RARB: variants seen among roughly 807,000 people sequenced by gnomAD.
The protein encoded by RARB is HBV-activated protein.
In RARB, 17 loss-of-function variants were observed where a neutral mutation model predicts 51.9. The ratio of observed to expected loss-of-function variants is 0.33; its 90% confidence interval spans 0.22 to 0.49. RARB has a LOEUF of 0.49. Ranked by LOEUF, RARB falls within the 20% of genes least tolerant of loss-of-function variation. RARB has a pLI of 0.99. For synonymous variants in RARB, 215 were observed against 195.4 expected (o/e 1.10, Z -0.84); for missense variants, 369 against 550.8 (o/e 0.67, Z 3.30).
intron 2 of RARB, among the ~76,000 whole-genome samples, chr3:24,860,282 G>C (rs1328462840): frequency 1.3e-5 from 2 of 152,098 alleles, no homozygotes; most frequent in Non-Finnish European, 2.9e-5. Flanking sequence ...TAAACCTTTT[G>C]CATTTGGGAC....
At chr3:25,140,800 A>G (rs1411061916) in intron 4 of RARB, among the ~76,000 whole-genome samples, 1 of 152,172 alleles carries the variant, frequency 6.6e-6, no homozygotes, top group Non-Finnish European at 1.5e-5. Flanking sequence ...TGCCACAGCC[A>G]CCCAACTAAT....
chr3:25,029,416 G>T (rs1433108029), intron 2 of RARB, among the ~76,000 whole-genome samples: 2 of 152,172 alleles, frequency 1.3e-5, no homozygotes, highest in African/African-American at 4.8e-5. Flanking sequence ...TGAGTGAATT[G>T]GTCTTGAACT....
intron 5 of RARB, among the ~76,000 whole-genome samples, chr3:25,390,855 A>G (rs1706932852): frequency 6.6e-6 from 1 of 152,064 alleles, no homozygotes; most frequent in African/African-American, 2.4e-5. Context: ...AAGTAGTTTG[A>G]CTTTTCCTGG....
intron 4 of RARB, among the ~76,000 whole-genome samples, chr3:25,168,392 T>C (rs989941672): frequency 6.6e-6 from 1 of 151,958 alleles, no homozygotes; most frequent in African/African-American, 2.4e-5. Flanking sequence ...GCCCGGCTAA[T>C]TTTTTGCATT....
At chr3:25,066,254 G>A (rs541311340) in intron 3 of RARB, among the ~76,000 whole-genome samples, 2 of 152,136 alleles carry the variant, frequency 1.3e-5, no homozygotes, top group Non-Finnish European at 2.9e-5. Flanking sequence ...TTCATAAGAG[G>A]TTGTTTATTT....
intron 5 of RARB, among the ~76,000 whole-genome samples, chr3:25,370,081 T>C (rs1706252918): frequency 1.3e-5 from 2 of 152,138 alleles, no homozygotes; most frequent in Non-Finnish European, 2.9e-5. Context: ...GAGTGTGTCA[T>C]GTATGTGTGT....
intron 1 of RARB, among the ~76,000 whole-genome samples, chr3:25,436,138 C>A (rs919870502): frequency 6.6e-6 from 1 of 152,168 alleles, no homozygotes; most frequent in African/African-American, 2.4e-5. Context: ...TTCTCCTGAG[C>A]ACCTTTCTTT....
At chr3:24,963,667 A>G (rs926347013) in intron 2 of RARB, among the ~76,000 whole-genome samples, 8 of 151,898 alleles carry the variant, frequency 5.3e-5, no homozygotes, top group African/African-American at 1.9e-4. Flanking sequence ...AACATTTCCT[A>G]AGCACTAAGT....
chr3:25,507,742 C>T (rs530609806), intron 3 of RARB, among the ~76,000 whole-genome samples: 109 of 152,258 alleles, frequency 7.2e-4, no homozygotes, highest in Non-Finnish European at 1.2e-3. Flanking sequence ...AGGGGAGACA[C>T]TGGGGTCAGG....
intron 3 of RARB, among the ~76,000 whole-genome samples, chr3:25,065,000 G>T (rs750840522): frequency 6.6e-6 from 1 of 152,168 alleles, no homozygotes; most frequent in Non-Finnish European, 1.5e-5. Flanking sequence ...GTGCATAGGA[G>T]TAAGGCAATG....
chr3:25,495,202 A>G (rs576014914), intron 2 of RARB, among the ~76,000 whole-genome samples: 3 of 152,202 alleles, frequency 2.0e-5, no homozygotes, highest in Non-Finnish European at 2.9e-5. Context: ...AACGGGGTTC[A>G]TGTGTGAAGA....
chr3:25,404,794 T>C (rs187565837), intron 5 of RARB, among the ~76,000 whole-genome samples: 6 of 152,358 alleles, frequency 3.9e-5, no homozygotes, highest in African/African-American at 1.4e-4. Context: ...TTTTGTGGTT[T>C]CTGTTCTGAA....
chr3:24,936,148 T>C (rs2363529), intron 2 of RARB, among the ~76,000 whole-genome samples: 93,737 of 151,846 alleles, frequency 0.62, 31,246 homozygotes, highest in African/African-American at 0.87. Context: ...ATTGTATCAT[T>C]CCATCCATGG....
At chr3:25,323,098 T>C (rs1704618413) in intron 5 of RARB, among the ~76,000 whole-genome samples, 1 of 152,136 alleles carries the variant, frequency 6.6e-6, no homozygotes, top group South Asian at 2.1e-4. Context: ...TCAGTGCTCC[T>C]CCATTGGCCT....
intron 5 of RARB, among the ~76,000 whole-genome samples, chr3:25,388,959 T>C (rs1706871542): frequency 1.3e-5 from 2 of 152,194 alleles, no homozygotes; most frequent in South Asian, 2.1e-4. Flanking sequence ...ATCTGTTTCA[T>C]TGAATAGAAA....
intron 1 of RARB, among the ~76,000 whole-genome samples, chr3:25,458,993 A>G (rs777398123): frequency 1.3e-5 from 2 of 152,214 alleles, no homozygotes; most frequent in African/African-American, 4.8e-5. Flanking sequence ...CAGGACCTCT[A>G]CTAGTCCTGG....
chr3:24,981,501 C>G (rs961763987), intron 2 of RARB, among the ~76,000 whole-genome samples: 10 of 152,154 alleles, frequency 6.6e-5, no homozygotes, highest in South Asian at 6.2e-4. Context: ...GTGGACGCCC[C>G]TCCCCCCACC....
chr3:25,222,892 A>G (rs1701977380), intron 5 of RARB, among the ~76,000 whole-genome samples: 1 of 152,248 alleles, frequency 6.6e-6, no homozygotes, highest in Non-Finnish European at 1.5e-5. Context: ...ATTCAAGTAT[A>G]TAAATTACTT....
intron 1 of RARB, among the ~76,000 whole-genome samples, chr3:24,842,424 T>A (rs576478916): frequency 3.9e-5 from 6 of 152,186 alleles, no homozygotes; most frequent in Admixed American, 6.5e-5. Flanking sequence ...GTAATATGAA[T>A]ATGATTTTGT....
Sources: gnomAD v4.1 joint callset for allele counts (sites outside exome capture counted in the v4.1 genomes callset) on GRCh38, gnomAD v4.1.1 for gene constraint, MANE v1.5 for transcripts, NCBI Gene and HGNC (gene_info 2026-07-23, HGNC 2026-07-21) for gene names.